The following PRKG1 variants were observed in gnomAD, a reference collection of about 807,000 sequenced individuals.
The protein encoded by PRKG1 is cGMP-dependent protein kinase 1.
A neutral mutation model predicts 88.1 loss-of-function variants in PRKG1; 35 were observed. The ratio of observed to expected loss-of-function variants is 0.40; its 90% CI spans 0.30 to 0.53. PRKG1 has a LOEUF of 0.53. Ranked by LOEUF, PRKG1 falls within the 20% of genes least tolerant of loss-of-function variation. PRKG1 has a pLI of 0.59. For synonymous variants in PRKG1, 303 were observed against 292.5 expected (o/e 1.04, Z -0.37); for missense variants, 540 against 839.8 (o/e 0.64, Z 4.41).
At position 51,467,819 on chromosome 10, in the gene PRKG1, G is replaced by A. The variant is rs397515330; in HGVS notation, c.575G>A (p.Arg192Gln). ...GELAILYNCT[R>Q]TATVKTLVNV... Reference sequence around the variant, plus strand: ...TTGGCTATTCTTTACAACTGTACCCGGACAGCGACCGTCAAGAGTAAGACT... The same window carrying A: ...TTGGCTATTCTTTACAACTGTACCCAGACAGCGACCGTCAAGAGTAAGACT... The change falls in exon 3 of 18, where the codon CGG becomes CAG. Residue 192 changes from arginine to glutamine, a missense_variant. This residue lies in a region of PRKG1 where 400 missense variants were observed against 562.7 expected (regional missense o/e 0.71). Coordinates refer to ENST00000373980, the MANE Select transcript of PRKG1 (RefSeq NM_006258.4). 6.2e-7 allele frequency: 1 copy of A among 1,611,902 alleles called. No individual in the cohort carries two copies. Among genetic ancestry groups the A allele is most frequent in the Admixed American group, 1.7e-5 (1 of 59,962 alleles).
intron 5 of PRKG1, among the ~76,000 whole-genome samples, chr10:52,006,723 C>G (rs1391164733): frequency 1.3e-5 from 2 of 152,158 alleles, no homozygotes; most frequent in African/African-American, 4.8e-5. Flanking sequence ...TCCATGAAAA[C>G]TTTCCCAACC....
rs181020756 is a variant in PRKG1, at chr10:52,170,524, A to G, written c.1076+8561A>G. 3.9e-4 allele frequency among the ~76,000 whole-genome samples: 60 copies of G among 152,286 alleles called. No homozygotes were observed. In the East Asian group the frequency reaches 0.011, roughly 27 times the overall value. On this transcript the variant is annotated intron_variant, in intron 9 of 17. Coordinates refer to ENST00000373980, the MANE Select transcript of PRKG1 (RefSeq NM_006258.4). ...GCAGGGCTGGCTCTCGCTTATTGCC[A>G]CTAAAAAAAGAAGTACCACAATCAC...
At chr10:51,180,346 G>C (rs1427798820) in intron 2 of PRKG1, among the ~76,000 whole-genome samples, 1 of 152,094 alleles carries the variant, frequency 6.6e-6, no homozygotes. Context: ...CTCAGGGCTG[G>C]CCTAAAGGCA....
At chr10:51,659,382 T>G (rs1183256720) in intron 3 of PRKG1, among the ~76,000 whole-genome samples, 2 of 151,966 alleles carry the variant, frequency 1.3e-5, no homozygotes, top group African/African-American at 4.8e-5. Context: ...AGAGGACAGG[T>G]AGGATTTTTG....
At chr10:52,063,571 C>A (rs759651414) in intron 7 of PRKG1, among the ~76,000 whole-genome samples, 6 of 152,248 alleles carry the variant, frequency 3.9e-5, no homozygotes, top group Non-Finnish European at 8.8e-5. Context: ...TTCAGTGGTT[C>A]CCGATTTCTT....
At chr10:51,889,056 C>T (rs1274017552) in intron 4 of PRKG1, among the ~76,000 whole-genome samples, 5 of 88,920 alleles carry the variant, frequency 5.6e-5, no homozygotes, top group South Asian at 3.4e-4. Flanking sequence ...ACTTAACACA[C>T]ATTCTTTTTT....
chr10:51,744,788 G>A (rs1453574303), intron 3 of PRKG1, among the ~76,000 whole-genome samples: 2 of 152,158 alleles, frequency 1.3e-5, no homozygotes, highest in Non-Finnish European at 2.9e-5. Context: ...TCTTCCAGTT[G>A]TCTCCCAGCT....
chr10:51,152,757 CA>C (rs1232459164), intron 1 of PRKG1, among the ~76,000 whole-genome samples: 1 of 151,738 alleles, frequency 6.6e-6, no homozygotes, highest in Non-Finnish European at 1.5e-5. Context: ...TAAATATAAA[CA>C]GTAGTAATAG....
chr10:51,004,117 A>G (rs1022511109), intron 1 of PRKG1, among the ~76,000 whole-genome samples: 8 of 152,160 alleles, frequency 5.3e-5, no homozygotes, highest in Admixed American at 1.3e-4. Flanking sequence ...AGTTTATGTG[A>G]TTATACATAC....
intron 2 of PRKG1, among the ~76,000 whole-genome samples, chr10:51,364,366 A>G (rs1842546781): frequency 6.6e-6 from 1 of 151,968 alleles, no homozygotes; most frequent in East Asian, 1.9e-4. Flanking sequence ...TGGGCACACA[A>G]TATCCTTCAG....
At chr10:51,996,183 C>T (rs932553972) in intron 5 of PRKG1, among the ~76,000 whole-genome samples, 7 of 151,608 alleles carry the variant, frequency 4.6e-5, no homozygotes, top group East Asian at 1.9e-4. Context: ...CACGTGGTGG[C>T]GCATGCCTGT....
chr10:52,164,556 C>A (rs1281790922), intron 9 of PRKG1, among the ~76,000 whole-genome samples: 3 of 151,932 alleles, frequency 2.0e-5, no homozygotes, highest in African/African-American at 7.2e-5. Context: ...TGAAATTAAA[C>A]CTTGCCTAGA....
At chr10:51,062,256 T>A (rs4935215) in intron 1 of PRKG1, among the ~76,000 whole-genome samples, 4 of 152,172 alleles carry the variant, frequency 2.6e-5, no homozygotes, top group South Asian at 4.1e-4. Flanking sequence ...GATTTCAGTT[T>A]TTTTCCCTCC....
chr10:51,597,391 C>G (rs910932132), intron 3 of PRKG1, among the ~76,000 whole-genome samples: 1 of 152,114 alleles, frequency 6.6e-6, no homozygotes, highest in African/African-American at 2.4e-5. Flanking sequence ...TGTGGCTACT[C>G]TAGTTCTCAA....
At chr10:52,062,754 C>A (rs1564452729) in intron 7 of PRKG1, 123 bp downstream of exon 7, 4 of 758,480 alleles carry the variant, frequency 5.3e-6, no homozygotes, top group Middle Eastern at 2.3e-4. Context: ...AAATATGGAC[C>A]CTTGATGATA....
intron 5 of PRKG1, among the ~76,000 whole-genome samples, chr10:51,955,017 G>A (rs1321245244): frequency 2.0e-5 from 3 of 151,934 alleles, no homozygotes; most frequent in East Asian, 1.9e-4. Flanking sequence ...TTCAATAGTC[G>A]ATATTTCTTA....
chr10:52,071,314 A>T (rs1029630165), intron 7 of PRKG1, among the ~76,000 whole-genome samples: 1 of 151,386 alleles, frequency 6.6e-6, no homozygotes, highest in East Asian at 2.0e-4. Context: ...CCTCTTTTCA[A>T]CTCTCTAGTG....
chr10:51,348,298 A>G (rs1018781992), intron 2 of PRKG1, among the ~76,000 whole-genome samples: 7 of 152,160 alleles, frequency 4.6e-5, no homozygotes, highest in African/African-American at 1.7e-4. Context: ...TCTGTTAATC[A>G]GAGAAAGATT....
intron 2 of PRKG1, among the ~76,000 whole-genome samples, chr10:51,436,788 A>G (rs901484288): frequency 3.9e-5 from 6 of 152,076 alleles, no homozygotes; most frequent in Non-Finnish European, 8.8e-5. Context: ...GCCTGCACAT[A>G]GTGGCCACTC....
Sources: gnomAD v4.1 joint callset for allele counts (sites outside exome capture counted in the v4.1 genomes callset) on GRCh38, gnomAD v4.1.1 for gene constraint, gnomAD v4.1.1 regional missense constraint, MANE v1.5 for transcripts, NCBI Gene and HGNC (gene_info 2026-07-23, HGNC 2026-07-21) for gene names.